ASCC3: variants seen among roughly 807,000 people sequenced by gnomAD.
ASCC3 encodes ASC-1 complex subunit P200.
Under a neutral mutation model 256.3 loss-of-function variants are expected in ASCC3, and 158 were observed. That is an observed-to-expected ratio of 0.62 (90% CI 0.54 to 0.70). The LOEUF (loss-of-function observed/expected upper bound fraction) is 0.70, where lower values mean the gene tolerates loss of function less well. ASCC3 is among the 30% of genes least tolerant of loss of function. The pLI is 0.00. For synonymous variants in ASCC3, 948 were observed against 883.4 expected (o/e 1.07, Z -1.30); for missense variants, 2,259 against 2,626.0 (o/e 0.86, Z 3.05).
intron 36 of ASCC3, among the ~76,000 whole-genome samples, chr6:100,589,342 A>C (rs552200588): frequency 3.6e-4 from 55 of 152,268 alleles, no homozygotes; most frequent in Admixed American, 6.5e-4. Context: ...ATTATATTTA[A>C]GGATAGGGTG....
chr6:100,729,580 G>A (rs17794439), intron 10 of ASCC3, among the ~76,000 whole-genome samples: 51,352 of 151,998 alleles, frequency 0.34, 10,209 homozygotes, highest in Middle Eastern at 0.51. Flanking sequence ...AAATGTATGT[G>A]ATGCATAAAA....
intron 4 of ASCC3, among the ~76,000 whole-genome samples, chr6:100,818,153 G>A (rs1770844718): frequency 6.6e-6 from 1 of 152,114 alleles, no homozygotes; most frequent in African/African-American, 2.4e-5. Context: ...CAAATCACAT[G>A]ATCAGCTCAA....
chr6:100,585,146 G>T (rs566684141), intron 36 of ASCC3, among the ~76,000 whole-genome samples: 184 of 152,274 alleles, frequency 1.2e-3, no homozygotes, highest in African/African-American at 4.3e-3. Flanking sequence ...GATTGGGGAA[G>T]TTCTCCTGGA....
At position 100,766,604 on chromosome 6, in the gene ASCC3, A is replaced by T; in HGVS notation, c.1698T>A (p.Gly566=). 1.2e-6 allele frequency: 2 copies of T among 1,614,076 alleles called. No individual in the cohort carries two copies. Among genetic ancestry groups the T allele is most frequent in the Non-Finnish European group, 1.7e-6 (2 of 1,179,968 alleles). The part of the protein sequence containing the change: ...PLGIIVKELT[G]DMQLSKSEIL... ...TTTCACTTTTGGACAACTGCATGTC[A>T]CCAGTCAATTCTTTCACAATGATGC... Residue 566 remains glycine (G), a synonymous_variant, in exon 10 of 42, where the codon GGT becomes GGA. Coordinates refer to ENST00000369162, the MANE Select transcript of ASCC3 (RefSeq NM_006828.4).
At chr6:100,729,259 G>A (rs963879034) in intron 10 of ASCC3, among the ~76,000 whole-genome samples, 21 of 152,038 alleles carry the variant, frequency 1.4e-4, no homozygotes, top group Non-Finnish European at 2.9e-5. Context: ...AGATAAGGAG[G>A]GAGAGAAAAT....
chr6:100,607,603 T>A (rs896334638), intron 30 of ASCC3, among the ~76,000 whole-genome samples: 1 of 152,072 alleles, frequency 6.6e-6, no homozygotes, highest in African/African-American at 2.4e-5. Flanking sequence ...TTTCTTTAAC[T>A]GTAAATTTGA....
chr6:100,629,570 CA>C (rs1006763901), intron 26 of ASCC3, among the ~76,000 whole-genome samples: 48 of 151,410 alleles, frequency 3.2e-4, no homozygotes, highest in Middle Eastern at 3.4e-3. Flanking sequence ...TTTATGGAGA[CA>C]AAAAAAGGCA....
At chr6:100,522,337 A>G (rs1404414371) in intron 37 of ASCC3, among the ~76,000 whole-genome samples, 1 of 152,194 alleles carries the variant, frequency 6.6e-6, no homozygotes, top group African/African-American at 2.4e-5. Context: ...GTATCCACTT[A>G]TAAAATTATA....
intron 19 of ASCC3, 80 bp downstream of exon 19, chr6:100,651,480 T>C (rs956900493): frequency 2.6e-5 from 18 of 683,048 alleles, no homozygotes; most frequent in Non-Finnish European, 3.6e-5. Flanking sequence ...ACAGCTTATA[T>C]GGTATTAATG....
chr6:100,511,707 C>T (rs1203490718), intron 40 of ASCC3, among the ~76,000 whole-genome samples: 3 of 151,264 alleles, frequency 2.0e-5, no homozygotes, highest in Admixed American at 6.6e-5. Context: ...AGTGAGACTT[C>T]GTATCAAAAA....
At chr6:100,823,362 C>T (rs1313971797) in intron 4 of ASCC3, among the ~76,000 whole-genome samples, 1 of 152,070 alleles carries the variant, frequency 6.6e-6, no homozygotes, top group African/African-American at 2.4e-5. Flanking sequence ...AAAAAAACAG[C>T]GAGGAAGAAG....
intron 10 of ASCC3, among the ~76,000 whole-genome samples, chr6:100,739,674 T>C (rs78402152): frequency 0.013 from 1,983 of 152,284 alleles, 41 homozygotes; most frequent in African/African-American, 0.045. Context: ...GGAAGGTATA[T>C]GTATCCAGGA....
chr6:100,525,583 A>G (rs1774543432), intron 37 of ASCC3, among the ~76,000 whole-genome samples: 1 of 152,118 alleles, frequency 6.6e-6, no homozygotes, highest in Non-Finnish European at 1.5e-5. Context: ...TACAAGTATT[A>G]TATATCAAGA....
rs1319664040 is a variant in ASCC3, at chr6:100,881,113, G to T, written c.-94C>A. 2 of 152,428 alleles carry T rather than the reference G, an allele frequency of 1.3e-5. No individual in the cohort carries two copies. The highest frequency in any genetic ancestry group is 1.3e-4 in the Admixed American group (2 of 15,288). The allele number at this position is 152,428 out of a possible 1,614,324, so 9.4% of individuals were successfully genotyped here. A position where few individuals can be genotyped will look rare whatever the true frequency, so the allele number is the denominator to read the frequency against. On this transcript the variant is annotated 5_prime_UTR_variant, in exon 1 of 42. Transcript: ENST00000369162. ...TCACTCTGTCAGCTCCTGCCACCGC[G>T]CCTTCTTCCCTTTCGGTTTTACTTT... is the stretch of plus-strand genomic sequence containing the variant.
intron 15 of ASCC3, 149 bp downstream of exon 15, chr6:100,662,196 C>T: frequency 9.2e-7 from 1 of 1,088,066 alleles, no homozygotes; most frequent in Non-Finnish European, 1.3e-6. Context: ...AAACTAGATT[C>T]TTATTGGAGA....
At chr6:100,874,194 G>A (rs778121900) in intron 1 of ASCC3, among the ~76,000 whole-genome samples, 42 of 152,054 alleles carry the variant, frequency 2.8e-4, no homozygotes, top group Non-Finnish European at 4.6e-4. Flanking sequence ...TAGGCTGGGC[G>A]CGGTGGCTCA....
chr6:100,601,222 T>C (rs1772589742), intron 34 of ASCC3, among the ~76,000 whole-genome samples: 1 of 152,064 alleles, frequency 6.6e-6, no homozygotes, highest in Non-Finnish European at 1.5e-5. Context: ...ATTTATAATA[T>C]TCATTGTAAC....
intron 4 of ASCC3, among the ~76,000 whole-genome samples, chr6:100,817,048 A>C (rs1770786025): frequency 6.6e-6 from 1 of 152,110 alleles, no homozygotes; most frequent in African/African-American, 2.4e-5. Flanking sequence ...CTTCTCTAGC[A>C]CGCATGAAAC....
At chr6:100,861,451 G>A (rs954248770) in intron 3 of ASCC3, among the ~76,000 whole-genome samples, 1 of 151,974 alleles carries the variant, frequency 6.6e-6, no homozygotes, top group East Asian at 1.9e-4. Context: ...TAGCAAAATT[G>A]TCTATGATAG....
Sources: allele counts gnomAD v4.1 joint callset (sites outside exome capture counted in the v4.1 genomes callset), GRCh38; gene constraint gnomAD v4.1.1; transcripts MANE v1.5; gene names NCBI Gene and HGNC (gene_info 2026-07-23, HGNC 2026-07-21).